GPBP1: variants seen among roughly 807,000 people sequenced by gnomAD.
GPBP1 encodes the protein GC-rich promoter binding protein 1.
Under a neutral mutation model 56.5 loss-of-function variants are expected in GPBP1, and 13 were observed. The ratio of observed to expected loss-of-function variants is 0.23; its 90% CI spans 0.15 to 0.37. The LOEUF is 0.37. Ranked by LOEUF, GPBP1 falls within the 10% of genes least tolerant of loss-of-function variation. The pLI is 1.00. For synonymous variants in GPBP1, 204 were observed against 188.9 expected (o/e 1.08, Z -0.66); for missense variants, 477 against 572.3 (o/e 0.83, Z 1.70).
At position 57,175,501 on chromosome 5, in the gene GPBP1, C is replaced by T. The variant is rs1561314079; in HGVS notation, c.-957C>T. The T allele has an allele frequency of 7.5e-6, 3 of 398,134 alleles. No individual in the cohort carries two copies. Among genetic ancestry groups the T allele is most frequent in the African/African-American group, 4.1e-5 (2 of 48,484 alleles). 24.7% of individuals were successfully genotyped at this position (398,134 alleles called of 1,614,324 possible). A position where few individuals can be genotyped will look rare whatever the true frequency, so the allele number is the denominator to read the frequency against. ...ATCATCTAGGTTTTGTGTAAAAGGC[C>T]CTGGATATTTTAAGTGGCCATTTTG... On this transcript the variant is annotated 5_prime_UTR_variant, in exon 2 of 12. Coordinates refer to ENST00000506184, the MANE Select transcript of GPBP1 (RefSeq NM_022913.4).
intron 3 of GPBP1, among the ~76,000 whole-genome samples, chr5:57,215,450 C>T (rs962014805): frequency 4.6e-5 from 7 of 152,196 alleles, no homozygotes; most frequent in African/African-American, 1.7e-4. Context: ...CCATTAATTC[C>T]CAGCTGATTG....
chr5:57,214,698 T>G (rs1357100707), intron 3 of GPBP1, among the ~76,000 whole-genome samples: 2 of 152,310 alleles, frequency 1.3e-5, no homozygotes, highest in African/African-American at 2.4e-5. Flanking sequence ...CTCTGTCGCC[T>G]AGGCTGGATT....
chr5:57,231,440 AT>A, intron 5 of GPBP1, 119 bp downstream of exon 5: 1 of 780,402 alleles, frequency 1.3e-6, no homozygotes, highest in Non-Finnish European at 2.0e-6. Context: ...GGCCCGCCTA[AT>A]TTTTATATTT....
Position 57,226,932 on chromosome 5 carries a change from GGTTTCACC to G in GPBP1, c.64-3913_64-3906del, listed in dbSNP as rs1756225997. The stretch of plus-strand genomic sequence containing the variant: ...TTTTTTGTATTTTTAGTAGAGACGG[GGTTTCACC>G]ATGTTAGCCAGGATGATCTCGATCT... On this transcript the variant is annotated intron_variant, in intron 3 of 11. Coordinates refer to ENST00000506184, the MANE Select transcript of GPBP1 (RefSeq NM_022913.4). 5.9e-5 allele frequency among the ~76,000 whole-genome samples: 9 copies of G among 151,960 alleles called. No individual in the cohort carries two copies. In the South Asian group the frequency reaches 1.9e-3, roughly 32 times the overall value.
rs1249410623 is a variant in GPBP1, at chr5:57,254,806, AACTT to A, written c.1160+3667_1160+3670del. 3.3e-5 allele frequency among the ~76,000 whole-genome samples: 5 copies of A among 152,210 alleles called. No individual in the cohort carries two copies. The East Asian group carries it at 5.8e-4, about 18-fold the overall frequency. On this transcript the variant is annotated intron_variant, in intron 10 of 11. Transcript: ENST00000506184. ...AATTTAGCTAGATTAATTTATAACT[AACTT>A]AATCAGATATCTATAAATTCACTTG...
intron 3 of GPBP1, among the ~76,000 whole-genome samples, chr5:57,223,377 C>T (rs1003554264): frequency 1.3e-5 from 2 of 152,090 alleles, no homozygotes; most frequent in African/African-American, 2.4e-5. Context: ...TATGAGCCAC[C>T]GTGCCCGGCC....
chr5:57,227,647 C>T (rs1756256242), intron 3 of GPBP1, among the ~76,000 whole-genome samples: 1 of 152,184 alleles, frequency 6.6e-6, no homozygotes, highest in Admixed American at 6.5e-5. Context: ...GCAAGGGCAG[C>T]ATCCACCTGG....
At chr5:57,181,583 A>C (rs1754050721) in intron 2 of GPBP1, among the ~76,000 whole-genome samples, 1 of 150,206 alleles carries the variant, frequency 6.7e-6, no homozygotes, top group East Asian at 2.0e-4. Context: ...AAACCAGCCT[A>C]GGGAACATTT....
chr5:57,174,407 C>T (rs1038627111), intron 1 of GPBP1, among the ~76,000 whole-genome samples, 196 bp downstream of exon 1: 40 of 151,862 alleles, frequency 2.6e-4, no homozygotes, highest in African/African-American at 9.7e-4. Context: ...TTGACTCGGC[C>T]CGGGTGGAGC....
chr5:57,217,294 T>C (rs774464409), intron 3 of GPBP1, among the ~76,000 whole-genome samples: 13 of 152,014 alleles, frequency 8.6e-5, no homozygotes, highest in Non-Finnish European at 1.8e-4. Context: ...AACTACTGCC[T>C]GGGTGCGGTG....
At chr5:57,240,239 A>C (rs1740760748) in intron 6 of GPBP1, among the ~76,000 whole-genome samples, 1 of 152,094 alleles carries the variant, frequency 6.6e-6, no homozygotes, top group African/African-American at 2.4e-5. Flanking sequence ...CAACAGAGCA[A>C]GACTCTTTCT....
intron 5 of GPBP1, among the ~76,000 whole-genome samples, chr5:57,234,540 C>T (rs1056796762): frequency 7.9e-5 from 12 of 152,090 alleles, no homozygotes; most frequent in Non-Finnish European, 1.5e-4. Flanking sequence ...GAATTTGAGA[C>T]CAGCCTGGGC....
At chr5:57,239,101 T>C (rs1485611105) in intron 6 of GPBP1, among the ~76,000 whole-genome samples, 2 of 152,232 alleles carry the variant, frequency 1.3e-5, no homozygotes, top group African/African-American at 4.8e-5. Flanking sequence ...ATTCTGTTGA[T>C]GAATTGCTTT....
chr5:57,230,901 A>G lies in GPBP1; in HGVS notation c.119A>G (p.Tyr40Cys), dbSNP rs752325189. Residue 40 changes from tyrosine to cysteine, a missense_variant, in exon 4 of 12, where the codon TAT (tyrosine) becomes TGT (cysteine). Transcript: ENST00000506184. ...SENFAWTENRYDVNRRRHNSS... is the reference protein window; with the variant it reads ...SENFAWTENRCDVNRRRHNSS... ...AACTTTGCATGGACAGAGAATCGTTATGATGTGAACCGTCGACGACACAAC... is the reference window on the plus strand; with the variant it reads ...AACTTTGCATGGACAGAGAATCGTTGTGATGTGAACCGTCGACGACACAAC... 7.4e-6 allele frequency: 12 copies of G among 1,612,580 alleles called. No homozygotes were observed. In the African/African-American group the frequency reaches 1.3e-4, roughly 18 times the overall value.
chr5:57,225,169 T>A (rs1421486311), intron 3 of GPBP1, among the ~76,000 whole-genome samples: 1 of 152,002 alleles, frequency 6.6e-6, no homozygotes, highest in Non-Finnish European at 1.5e-5. Context: ...AGAAAACTGG[T>A]ATTATTTCGC....
rs563108026 is a variant in GPBP1, at chr5:57,197,193, A to T, written c.-57-16881A>T. On this transcript the variant is annotated intron_variant, in intron 2 of 11. Transcript: ENST00000506184. ...CATCACATCTAGCCCATTTTTTTTT[A>T]AAAAAGTAATTTATATAGTAGTTTA... 4.9e-3 allele frequency among the ~76,000 whole-genome samples: 749 copies of T among 151,936 alleles called. 4 individuals carry two copies. Among genetic ancestry groups the T allele is most frequent in the African/African-American group, 0.013 (555 of 41,422 alleles).
Position 57,251,837 on chromosome 5 carries a change from T to A in GPBP1, c.1160+696T>A, listed in dbSNP as rs1330559959. ...GAAGGTTCTAGTTTCTCCACATTCTTACCAACACATGGTACCATCTATCTT... is the reference window on the plus strand; with the variant it reads ...GAAGGTTCTAGTTTCTCCACATTCTAACCAACACATGGTACCATCTATCTT... On this transcript the variant is annotated intron_variant, in intron 10 of 11. Coordinates refer to ENST00000506184, the MANE Select transcript of GPBP1 (RefSeq NM_022913.4). Among the ~76,000 whole-genome samples the A allele has an allele frequency of 5.3e-5, 8 of 152,322 alleles. No individual in the cohort carries two copies. In the East Asian group the frequency reaches 1.5e-3, roughly 29 times the overall value.
chr5:57,245,896 T>C (rs1224321609), intron 6 of GPBP1: 1 of 153,722 alleles, frequency 6.5e-6, no homozygotes, highest in East Asian at 1.9e-4. Flanking sequence ...AATGAAAAAA[T>C]TGAAATTTTA....
In GPBP1 at chr5:57,189,046, A is replaced by G. The variant is rs377723557; in HGVS notation, c.-58+12646A>G. Among the ~76,000 whole-genome samples, 58 of 152,148 alleles carry G rather than the reference A, an allele frequency of 3.8e-4. 3 individuals carry two copies. In the South Asian group the frequency reaches 0.012, roughly 31 times the overall value. On this transcript the variant is annotated intron_variant, in intron 2 of 11. Transcript: ENST00000506184. The stretch of plus-strand genomic sequence containing the variant: ...TCACTCTTGTTGCCTAGGCTGGAGT[A>G]TAGTGGTGTGATCTTGGCTCACTGC...
Sources: allele counts gnomAD v4.1 joint callset (sites outside exome capture counted in the v4.1 genomes callset), GRCh38; gene constraint gnomAD v4.1.1; transcripts MANE v1.5; gene names NCBI Gene and HGNC (gene_info 2026-07-23, HGNC 2026-07-21).